UCKL1: variants seen among roughly 807,000 people sequenced by gnomAD.
The protein encoded by UCKL1 is uridine-cytidine kinase-like 1.
A neutral mutation model predicts 59.2 loss-of-function variants in UCKL1; 65 were observed. The observed-to-expected ratio is 1.10, with a 90% CI of 0.90 to 1.35. The LOEUF (loss-of-function observed/expected upper bound fraction) is 1.35, where lower values mean the gene tolerates loss of function less well. Ranked by LOEUF, UCKL1 falls within the 40% of genes most tolerant of loss-of-function variation. The pLI, the probability that UCKL1 is intolerant of heterozygous loss-of-function variation, is 0.00. For missense variants in UCKL1, 703 were observed against 784.3 expected (o/e 0.90, Z 1.24); for synonymous variants, 410 against 323.1 (o/e 1.27, Z -2.88).
intron 1 of UCKL1, among the ~76,000 whole-genome samples, chr20:63,947,849 A>C (rs1053779132): frequency 6.6e-6 from 1 of 152,250 alleles, no homozygotes; most frequent in Non-Finnish European, 1.5e-5. Flanking sequence ...ATCTACATGC[A>C]CTGCACGTGC....
rs1192517077 is a variant in UCKL1, at chr20:63,946,487, T to C, written c.270A>G (p.Glu90=). The change falls in exon 2 of 15, where the codon GAA becomes GAG. Residue 90 remains glutamate (E), a synonymous_variant. Coordinates refer to ENST00000354216, the MANE Select transcript of UCKL1 (RefSeq NM_017859.4). ...AGGCCTCTTTGGATTGCGTGCCGTG[T>C]TCATTGTACCAGGGCGGCCGCCCGG... is the stretch of plus-strand genomic sequence containing the variant. The part of the protein sequence containing the change: ...YTAGRPPWYN[E]HGTQSKEAFA... The C allele has an allele frequency of 6.3e-7, 1 of 1,580,334 alleles. No individual in the cohort carries two copies. Among genetic ancestry groups the C allele is most frequent in the East Asian group, 2.2e-5 (1 of 44,498 alleles).
intron 1 of UCKL1, chr20:63,950,681 C>G (rs757260287): frequency 4.3e-6 from 6 of 1,387,656 alleles, no homozygotes; most frequent in Admixed American, 6.3e-5. Flanking sequence ...CAGACATGCA[C>G]CAAACACAGG....
chr20:63,944,543 A>C lies in UCKL1; in HGVS notation c.844+2T>G. 1 of 1,607,956 alleles carries C rather than the reference A, an allele frequency of 6.2e-7. No individual in the cohort carries two copies. The highest frequency in any genetic ancestry group is 1.1e-5 in the South Asian group (1 of 90,286). ...ACCCAACAGGCAGCCCAGCAGGCTC[A>C]CCTCTGGGGACCACGATGTCTGCCA... On this transcript the variant is annotated splice_donor_variant, in intron 6 of 14. Transcript: ENST00000354216. LOFTEE classifies it high-confidence loss of function.
chr20:63,950,668 C>G, intron 1 of UCKL1: 6 of 1,324,716 alleles, frequency 4.5e-6, no homozygotes, highest in Non-Finnish European at 5.9e-6. Context: ...TTCCTGATAT[C>G]CACAGACATG....
chr20:63,944,779 G>A, intron 5 of UCKL1, 45 bp from the exon 6 acceptor site: 1 of 1,602,560 alleles, frequency 6.2e-7, no homozygotes, highest in Non-Finnish European at 8.5e-7. Flanking sequence ...GCCAGCAGTG[G>A]GCATGGAGAC....
chr20:63,940,454 C>T lies in UCKL1; in HGVS notation c.1334G>A (p.Ser445Asn). The T allele has an allele frequency of 6.2e-7, 1 of 1,612,278 alleles. No homozygotes were observed. The highest frequency in any genetic ancestry group is 2.2e-5 in the East Asian group (1 of 44,858). Reference protein sequence around the residue: ...LHYLRLPKDISDDHVILMDCT... With the variant: ...LHYLRLPKDINDDHVILMDCT... ...GTCCATGAGGATCACGTGGTCATCG[C>T]TGATGTCCTTGGGCAGCCTCAGGTA... Residue 445 changes from serine (S) to asparagine (N), a missense_variant, in exon 13 of 15, where the codon AGC becomes AAC. This residue lies in a region of UCKL1 where 124 missense variants were observed against 161.1 expected (regional missense o/e 0.77). Transcript: ENST00000354216.
chr20:63,956,307 G>A lies in UCKL1; in HGVS notation c.66C>T (p.Asp22=). ...PSPTSPPTAR[D]TPGRQAEKSE... is the part of the protein sequence containing the mutation. ...TTTTCTCAGCCTGCCGGCCTGGTGT[G>A]TCTCGGGCCGTAGGTGGCGACGTGG... Residue 22 remains aspartate (D), a synonymous_variant, in exon 1 of 15, where the codon GAC becomes GAT. Coordinates refer to ENST00000354216, the MANE Select transcript of UCKL1 (RefSeq NM_017859.4). 1.3e-6 allele frequency: 2 copies of A among 1,558,586 alleles called. No individual in the cohort carries two copies. The highest frequency in any genetic ancestry group is 1.7e-6 in the Non-Finnish European group (2 of 1,156,574).
At chr20:63,943,563 G>A in intron 8 of UCKL1, 90 bp downstream of exon 8, 2 of 1,590,530 alleles carry the variant, frequency 1.3e-6, no homozygotes, top group Non-Finnish European at 1.7e-6. Flanking sequence ...GGAAGAGCCA[G>A]CTGCCTGGCT....
rs755073335 is a variant in UCKL1, at chr20:63,956,361, G to T, written c.12C>A (p.Pro4=). The change falls in exon 1 of 15, where the codon CCC becomes CCA. Residue 4 remains proline (P), a synonymous_variant. Transcript: ENST00000354216. ...AAGGATCAGCGTCCGCGCGGGCCGGGGGCGCAGCCATGGCGCTCGGAGGCC... is the reference window on the plus strand; with the variant it reads ...AAGGATCAGCGTCCGCGCGGGCCGGTGGCGCAGCCATGGCGCTCGGAGGCC... MAA[P]PARADADPSP... 11 of 1,529,290 alleles carry T rather than the reference G, an allele frequency of 7.2e-6. No homozygotes were observed. The highest frequency in any genetic ancestry group is 1.9e-4 in the Middle Eastern group (1 of 5,352). 94.7% of individuals were successfully genotyped at this position (1,529,290 alleles called of 1,614,324 possible).
chr20:63,941,543 C>T (rs1342171035), intron 8 of UCKL1: 1 of 344,706 alleles, frequency 2.9e-6, no homozygotes, highest in Non-Finnish European at 5.9e-6. Flanking sequence ...CGGGCTCACA[C>T]GTGCTGATAG....
At position 63,940,672 on chromosome 20, in the gene UCKL1, G is replaced by T; in HGVS notation, c.1224C>A (p.Pro408=). 1 of 1,608,830 alleles carries T rather than the reference G, an allele frequency of 6.2e-7. No homozygotes were observed. Among genetic ancestry groups the T allele is most frequent in the East Asian group, 2.2e-5 (1 of 44,756 alleles). The change falls in exon 12 of 15, where the codon CCC becomes CCA. Residue 408 remains proline (P), a synonymous_variant. Transcript: ENST00000354216. ...CGTCTTTGCACACAGCGCGCAGCGC[G>T]GGCTCCATGGTTTCACCGGCGCGCA... ...SILRAGETME[P]ALRAVCKDVR... is the part of the protein sequence containing the mutation.
chr20:63,948,651 G>GGAGGGGCGTGTGTGAGAGA (rs2057018721), intron 1 of UCKL1, among the ~76,000 whole-genome samples: 1 of 145,292 alleles, frequency 6.9e-6, no homozygotes, highest in African/African-American at 2.5e-5. Flanking sequence ...TGTGTGAGAG[G>GGAGGGGCGTGTGTGAGAGA]GAGGGGCGTG....
At position 63,956,397 on chromosome 20, in the gene UCKL1, C is replaced by T. The variant is rs767695157; in HGVS notation, c.-25G>A. 20 of 1,393,402 alleles carry T rather than the reference C, an allele frequency of 1.4e-5. No homozygotes were observed. The Admixed American group carries it at 7.2e-4, about 50-fold the overall frequency. The allele number at this position is 1,393,402 out of a possible 1,614,324, so 86.3% of individuals were successfully genotyped here. A position where few individuals can be genotyped will look rare whatever the true frequency, so the allele number is the denominator to read the frequency against. On this transcript the variant is annotated 5_prime_UTR_variant, in exon 1 of 15. Transcript: ENST00000354216. ...TGGCGCTCGGAGGCCTCTTTGCGGG[C>T]CTGGCCGGGCGGCGCGCATGGGCCG...
intron 1 of UCKL1, among the ~76,000 whole-genome samples, chr20:63,949,373 G>A (rs2057226380): frequency 6.6e-6 from 1 of 152,154 alleles, no homozygotes; most frequent in Non-Finnish European, 1.5e-5. Context: ...TGCGGGGGCT[G>A]CAGCTGGAAT....
intron 1 of UCKL1, among the ~76,000 whole-genome samples, chr20:63,951,753 A>G (rs58190754): frequency 0.025 from 3,744 of 150,782 alleles, 187 homozygotes; most frequent in African/African-American, 0.086. Flanking sequence ...CACAGGGGAC[A>G]CAGCCACCTC....
chr20:63,941,906 A>G (rs962710001), intron 8 of UCKL1, among the ~76,000 whole-genome samples: 1 of 150,444 alleles, frequency 6.6e-6, no homozygotes, highest in Non-Finnish European at 1.5e-5. Context: ...GAGGAAAGCG[A>G]CAGGCCACAG....
intron 1 of UCKL1, 48 bp from the exon 2 acceptor site, chr20:63,946,691 C>T: frequency 6.4e-7 from 1 of 1,573,050 alleles, no homozygotes; most frequent in Non-Finnish European, 8.6e-7. Context: ...GCCCACCTCC[C>T]AGGTACCCGC....
At chr20:63,948,613 GA>G (rs2056961299) in intron 1 of UCKL1, 1 of 78,988 alleles carries the variant, frequency 1.3e-5, no homozygotes. Flanking sequence ...GTGTGAGAGG[GA>G]GGGGCGTGTG....
intron 1 of UCKL1, chr20:63,950,728 C>T (rs2057456622): frequency 2.0e-6 from 3 of 1,496,468 alleles, no homozygotes; most frequent in East Asian, 5.1e-5. Flanking sequence ...GTGGGTGCCC[C>T]TCACGGCAGA....
Sources: allele counts gnomAD v4.1 joint callset (sites outside exome capture counted in the v4.1 genomes callset), GRCh38; gene constraint gnomAD v4.1.1; regional missense constraint gnomAD v4.1.1; transcripts MANE v1.5; gene names NCBI Gene and HGNC (gene_info 2026-07-23, HGNC 2026-07-21).